SLC14A2: variants seen among roughly 807,000 people sequenced by gnomAD.
The protein encoded by SLC14A2 is solute carrier family 14 member 2.
SLC14A2 carries 91 observed loss-of-function variants against 104.6 expected under a neutral mutation model. That is an observed-to-expected ratio of 0.87 (90% CI 0.73 to 1.04). SLC14A2 has a LOEUF of 1.04. SLC14A2 is among the 50% of genes least tolerant of loss of function. SLC14A2 has a pLI of 0.00. For missense variants in SLC14A2, 1,189 were observed against 1,156.0 expected (o/e 1.03, Z -0.41); for synonymous variants, 476 against 466.4 (o/e 1.02, Z -0.27).
chr18:45,466,344 G>A (rs2087141934), intron 1 of SLC14A2, among the ~76,000 whole-genome samples: 1 of 151,790 alleles, frequency 6.6e-6, no homozygotes, highest in South Asian at 2.1e-4. Context: ...CCTGCACCCA[G>A]GAAACCTAGA....
chr18:45,515,126 C>A (rs141101399), intron 2 of SLC14A2, among the ~76,000 whole-genome samples: 1 of 152,186 alleles, frequency 6.6e-6, no homozygotes, highest in African/African-American at 2.4e-5. Context: ...ATGTACCTGG[C>A]ATGACAACAG....
chr18:45,414,760 ATATATATATATATATATAT>A (rs2086256542), intron 1 of SLC14A2, among the ~76,000 whole-genome samples: 8 of 55,290 alleles, frequency 1.4e-4, no homozygotes, highest in East Asian at 7.6e-4. Context: ...AAAAAAAAAT[ATATATATATATATATATAT>A]ATATATATAT....
intron 1 of SLC14A2, among the ~76,000 whole-genome samples, chr18:45,229,229 T>C (rs1012133712): frequency 9.2e-5 from 14 of 152,282 alleles, no homozygotes; most frequent in African/African-American, 3.4e-4. Flanking sequence ...TTAGGTTCTG[T>C]AGTAGATGCT....
At chr18:45,563,787 A>G (rs530174472) in intron 2 of SLC14A2, among the ~76,000 whole-genome samples, 2 of 152,358 alleles carry the variant, frequency 1.3e-5, no homozygotes, top group East Asian at 3.9e-4. Context: ...AGCTGATCAA[A>G]TTTTGTACTT....
At chr18:45,478,425 A>C (rs770900382) in intron 1 of SLC14A2, among the ~76,000 whole-genome samples, 4 of 152,208 alleles carry the variant, frequency 2.6e-5, no homozygotes, top group Non-Finnish European at 5.9e-5. Flanking sequence ...AGCTGTTTCT[A>C]TGCAGCCATC....
chr18:45,309,750 A>G (rs939427079), intron 1 of SLC14A2, among the ~76,000 whole-genome samples: 1 of 152,210 alleles, frequency 6.6e-6, no homozygotes, highest in African/African-American at 2.4e-5. Flanking sequence ...GATTAATTGT[A>G]TGAGGAACAT....
chr18:45,355,926 A>G (rs2144316556), intron 1 of SLC14A2, among the ~76,000 whole-genome samples: 1 of 152,328 alleles, frequency 6.6e-6, no homozygotes, highest in African/African-American at 2.4e-5. Context: ...AGCTGAATAC[A>G]GGAGCTGGGG....
At chr18:45,543,269 A>C (rs994318229) in intron 2 of SLC14A2, among the ~76,000 whole-genome samples, 1 of 152,020 alleles carries the variant, frequency 6.6e-6, no homozygotes, top group African/African-American at 2.4e-5. Flanking sequence ...ATTGACTCAC[A>C]TTTTTTAAAA....
intron 1 of SLC14A2, among the ~76,000 whole-genome samples, chr18:45,420,434 G>A (rs1053115847): frequency 8.5e-5 from 13 of 152,264 alleles, no homozygotes; most frequent in African/African-American, 3.1e-4. Context: ...AGATCCACAC[G>A]AGGATGGTGT....
the SLC14A2 span, among the ~76,000 whole-genome samples, chr18:45,178,689 A>G: frequency 2.0e-5 from 3 of 152,222 alleles, no homozygotes; most frequent in South Asian, 2.1e-4. Context: ...CCATAAGCAC[A>G]TAATTACTGC....
chr18:45,476,420 C>A (rs2087381752), intron 1 of SLC14A2, among the ~76,000 whole-genome samples: 1 of 152,124 alleles, frequency 6.6e-6, no homozygotes, highest in Non-Finnish European at 1.5e-5. Flanking sequence ...ACATTTTTTC[C>A]TTAATTTCAA....
At chr18:45,550,524 A>G (rs1351838074) in intron 2 of SLC14A2, among the ~76,000 whole-genome samples, 1 of 152,016 alleles carries the variant, frequency 6.6e-6, no homozygotes, top group Non-Finnish European at 1.5e-5. Context: ...TCATCCCTGA[A>G]CCCCAGAACC....
chr18:45,454,479 C>A (rs1312565253), intron 1 of SLC14A2, among the ~76,000 whole-genome samples: 1 of 152,154 alleles, frequency 6.6e-6, no homozygotes, highest in East Asian at 1.9e-4. Context: ...CTGATAGTTT[C>A]TTTTGCTATG....
intron 2 of SLC14A2, among the ~76,000 whole-genome samples, chr18:45,537,396 A>G (rs184258532): frequency 1.2e-4 from 18 of 152,210 alleles, no homozygotes; most frequent in African/African-American, 4.1e-4. Flanking sequence ...TTTGACAAAG[A>G]CGTGAAGAAG....
intron 2 of SLC14A2, among the ~76,000 whole-genome samples, chr18:45,589,656 C>T (rs935191796): frequency 1.3e-5 from 2 of 152,182 alleles, no homozygotes; most frequent in Non-Finnish European, 2.9e-5. Context: ...GCTTCAGCCT[C>T]CCGCTGAGCC....
At chr18:45,406,653 A>C (rs2144475166) in intron 1 of SLC14A2, among the ~76,000 whole-genome samples, 1 of 152,316 alleles carries the variant, frequency 6.6e-6, no homozygotes, top group South Asian at 2.1e-4. Context: ...AAAACTTGAA[A>C]GTCACAATTA....
At chr18:45,316,112 G>A (rs758541142) in intron 1 of SLC14A2, among the ~76,000 whole-genome samples, 4 of 152,152 alleles carry the variant, frequency 2.6e-5, no homozygotes, top group African/African-American at 7.2e-5. Context: ...CCTCCCTCCC[G>A]GCTTGGGGAG....
chr18:45,247,004 C>G (rs2084373651), intron 1 of SLC14A2, among the ~76,000 whole-genome samples: 1 of 152,156 alleles, frequency 6.6e-6, no homozygotes, highest in South Asian at 2.1e-4. Flanking sequence ...CCCCAAAGGA[C>G]TGCCTTGCCT....
At chr18:45,594,771 T>G (rs2044698118) in intron 2 of SLC14A2, among the ~76,000 whole-genome samples, 1 of 152,140 alleles carries the variant, frequency 6.6e-6, no homozygotes, top group Non-Finnish European at 1.5e-5. Flanking sequence ...TGGAAACAAG[T>G]CAGAACTCTA....
Sources: gnomAD v4.1 joint callset for allele counts (sites outside exome capture counted in the v4.1 genomes callset) on GRCh38, gnomAD v4.1.1 for gene constraint, MANE v1.5 for transcripts, NCBI Gene and HGNC (gene_info 2026-07-23, HGNC 2026-07-21) for gene names.